Variants in RBPMS observed in about 807,000 individuals in gnomAD.
RBPMS encodes the protein RNA binding protein, mRNA processing factor.
In RBPMS, 7 loss-of-function variants were observed where a neutral mutation model predicts 26.8. The observed-to-expected ratio is 0.26, with a 90% CI of 0.15 to 0.49. RBPMS has a LOEUF of 0.49. Among genes scored for constraint, RBPMS ranks in the 20% least tolerant of loss-of-function variants. The probability of loss-of-function intolerance (pLI) is 0.98; values close to 1 mark genes in which losing one functional copy is unlikely to be tolerated. For missense variants in RBPMS, 186 were observed against 250.0 expected, an observed-to-expected ratio of 0.74 and a Z score of 1.73; for synonymous variants, 96 against 93.3, an observed-to-expected ratio of 1.03 and a Z score of -0.17.
chr8:30,533,568 A>T (rs1824469974), intron 5 of RBPMS, among the ~76,000 whole-genome samples: 1 of 152,166 alleles, frequency 6.6e-6, no homozygotes, highest in Non-Finnish European at 1.5e-5. Context: ...AAGACTTTTC[A>T]TATTCAAGTG....
chr8:30,468,449 T>G (rs1816749957), intron 1 of RBPMS, among the ~76,000 whole-genome samples: 1 of 152,102 alleles, frequency 6.6e-6, no homozygotes, highest in Non-Finnish European at 1.5e-5. Context: ...AATACTAATC[T>G]CTCCTGACAA....
chr8:30,528,001 C>A (rs112224165), intron 5 of RBPMS, among the ~76,000 whole-genome samples: 8,438 of 152,064 alleles, frequency 0.055, 766 homozygotes, highest in African/African-American at 0.19. Context: ...CATGGTGAAA[C>A]CCCGTCTCTA....
chr8:30,565,945 C>G (rs922051499), intron 7 of RBPMS: 1 of 152,294 alleles, frequency 6.6e-6, no homozygotes, highest in Non-Finnish European at 1.5e-5. Context: ...CCTGCAGCCT[C>G]CTAATGCGCC....
chr8:30,425,504 G>A (rs562190380), intron 1 of RBPMS, among the ~76,000 whole-genome samples: 3 of 152,092 alleles, frequency 2.0e-5, no homozygotes, highest in Non-Finnish European at 4.4e-5. Context: ...TGGTTCAAGC[G>A]ATTCTCCTGC....
intron 5 of RBPMS, among the ~76,000 whole-genome samples, chr8:30,543,112 A>G (rs1206749257): frequency 6.6e-6 from 1 of 152,198 alleles, no homozygotes; most frequent in Non-Finnish European, 1.5e-5. Context: ...ACAGTATGTT[A>G]AACCACATTG....
intron 5 of RBPMS, among the ~76,000 whole-genome samples, chr8:30,521,248 C>A (rs1721285861): frequency 6.6e-6 from 1 of 152,130 alleles, no homozygotes; most frequent in African/African-American, 2.4e-5. Flanking sequence ...GACAGGAAGA[C>A]AGTGATATGG....
intron 6 of RBPMS, among the ~76,000 whole-genome samples, chr8:30,549,208 GC>G (rs1355306612): frequency 3.3e-5 from 5 of 152,186 alleles, no homozygotes; most frequent in Non-Finnish European, 5.9e-5. Flanking sequence ...TGGCAGTCCT[GC>G]CTCCCAAAAG....
intron 5 of RBPMS, among the ~76,000 whole-genome samples, chr8:30,533,928 T>A (rs1406088613): frequency 6.6e-6 from 1 of 152,022 alleles, no homozygotes; most frequent in Non-Finnish European, 1.5e-5. Context: ...GGTCAGGAGT[T>A]CGAGACCAGC....
At chr8:30,559,718 C>T (rs889778274) in intron 7 of RBPMS, among the ~76,000 whole-genome samples, 1 of 152,176 alleles carries the variant, frequency 6.6e-6, no homozygotes, top group African/African-American at 2.4e-5. Flanking sequence ...CATCAGTCTT[C>T]TCTTGGTTTA....
chr8:30,507,487 A>G (rs1265041145), intron 5 of RBPMS, among the ~76,000 whole-genome samples: 2 of 152,236 alleles, frequency 1.3e-5, no homozygotes, highest in Non-Finnish European at 2.9e-5. Flanking sequence ...CTGAGTTGTC[A>G]TCACAGTTTG....
At chr8:30,389,761 G>A (rs1045591274) in intron 1 of RBPMS, among the ~76,000 whole-genome samples, 7 of 151,956 alleles carry the variant, frequency 4.6e-5, no homozygotes, top group South Asian at 2.1e-4. Context: ...TAAAGGCTCC[G>A]TTTTTAAAGA....
intron 1 of RBPMS, among the ~76,000 whole-genome samples, chr8:30,386,225 G>T (rs1020698369): frequency 2.0e-5 from 3 of 152,194 alleles, no homozygotes; most frequent in Non-Finnish European, 2.9e-5. Flanking sequence ...AGAATGTTGA[G>T]ATCATTGTTG....
intron 1 of RBPMS, chr8:30,447,025 CTTATT>C (rs1813946232): frequency 6.6e-6 from 1 of 152,080 alleles, no homozygotes. Context: ...GAAAAAAGCT[CTTATT>C]TTATTTTTGA....
At chr8:30,443,011 G>A (rs1194102785) in intron 1 of RBPMS, among the ~76,000 whole-genome samples, 2 of 152,126 alleles carry the variant, frequency 1.3e-5, no homozygotes, top group African/African-American at 4.8e-5. Flanking sequence ...TAATTCCCCT[G>A]AAATATCCAC....
intron 4 of RBPMS, 95 bp from the exon 5 acceptor site, chr8:30,504,191 A>T: frequency 7.5e-7 from 1 of 1,339,728 alleles, no homozygotes; most frequent in Admixed American, 1.8e-5. Flanking sequence ...TTTTTTCCTG[A>T]TAGACCAGGG....
At chr8:30,555,929 C>T (rs960260421) in intron 6 of RBPMS, 4 of 984,156 alleles carry the variant, frequency 4.1e-6, no homozygotes, top group East Asian at 1.1e-4. Flanking sequence ...GCCGGCTGCC[C>T]GAACTCTGCT....
chr8:30,432,452 T>C (rs1336301686), intron 1 of RBPMS, among the ~76,000 whole-genome samples: 1 of 152,256 alleles, frequency 6.6e-6, no homozygotes, highest in Non-Finnish European at 1.5e-5. Flanking sequence ...GACTTCTTTC[T>C]GTGTCCCTTG....
At chr8:30,538,184 T>C (rs970732310) in intron 5 of RBPMS, among the ~76,000 whole-genome samples, 15 of 152,166 alleles carry the variant, frequency 9.9e-5, no homozygotes, top group Admixed American at 3.3e-4. Flanking sequence ...GTTGGTTCCC[T>C]GTACAGAACA....
At chr8:30,388,937 T>C (rs922253691) in intron 1 of RBPMS, among the ~76,000 whole-genome samples, 8 of 152,216 alleles carry the variant, frequency 5.3e-5, no homozygotes, top group South Asian at 2.1e-4. Context: ...TCAGTTCTTC[T>C]GAGGTTAATA....
Sources: gnomAD v4.1 joint callset for allele counts (sites outside exome capture counted in the v4.1 genomes callset) on GRCh38, gnomAD v4.1.1 for gene constraint, MANE v1.5 for transcripts, NCBI Gene and HGNC (gene_info 2026-07-23, HGNC 2026-07-21) for gene names.